Variants in DISC1 observed in about 807,000 individuals in gnomAD.
The protein encoded by DISC1 is DISC1 scaffold protein.
In DISC1, 57 loss-of-function variants were observed where a neutral mutation model predicts 84.5. The ratio of observed to expected loss-of-function variants is 0.67; its 90% CI spans 0.55 to 0.84. DISC1 has a LOEUF of 0.84. DISC1 is among the 40% of genes least tolerant of loss of function. The pLI is 0.00. For synonymous variants in DISC1, 411 were observed against 415.2 expected, an observed-to-expected ratio of 0.99 and a Z score of 0.12; for missense variants, 1,000 against 1,057.8, an observed-to-expected ratio of 0.95 and a Z score of 0.76.
intron 1 of DISC1, among the ~76,000 whole-genome samples, chr1:231,632,563 G>C (rs1173930102): frequency 1.3e-5 from 2 of 152,216 alleles, no homozygotes; most frequent in African/African-American, 4.8e-5. Flanking sequence ...AGTGGCAGTA[G>C]AGATCATGTA....
intron 6 of DISC1, among the ~76,000 whole-genome samples, chr1:231,772,284 C>G (rs1251514720): frequency 6.6e-6 from 1 of 152,164 alleles, no homozygotes; most frequent in Non-Finnish European, 1.5e-5. Flanking sequence ...CTCATACTCT[C>G]ATTTCTGAGA....
intron 9 of DISC1, among the ~76,000 whole-genome samples, chr1:231,888,079 A>C (rs1423150509): frequency 1.3e-5 from 2 of 152,216 alleles, no homozygotes; most frequent in Non-Finnish European, 2.9e-5. Context: ...CATATGTCTT[A>C]AGGACACATA....
intron 3 of DISC1, chr1:231,721,123 A>C: frequency 7.8e-7 from 1 of 1,283,808 alleles, no homozygotes; most frequent in Non-Finnish European, 1.0e-6. Context: ...TGAGTACAAT[A>C]ACATTAGCTC....
At chr1:231,705,917 G>C (rs2067038092) in intron 3 of DISC1, among the ~76,000 whole-genome samples, 1 of 151,984 alleles carries the variant, frequency 6.6e-6, no homozygotes, top group African/African-American at 2.4e-5. Flanking sequence ...TATCTCCCTT[G>C]GTTTTTGCTG....
At chr1:231,805,306 TA>T (rs2079615901) in intron 8 of DISC1, among the ~76,000 whole-genome samples, 1 of 152,240 alleles carries the variant, frequency 6.6e-6, no homozygotes, top group Non-Finnish European at 1.5e-5. Flanking sequence ...CACACTGCTG[TA>T]AAGAAATACC....
chr1:232,033,335 A>G (rs996522834), intron 12 of DISC1, among the ~76,000 whole-genome samples: 2 of 151,846 alleles, frequency 1.3e-5, no homozygotes, highest in East Asian at 3.9e-4. Context: ...CACCTCTCCT[A>G]CCTCCACTGC....
intron 6 of DISC1, among the ~76,000 whole-genome samples, chr1:231,772,050 G>A (rs994760281): frequency 6.6e-6 from 1 of 151,774 alleles, no homozygotes; most frequent in Non-Finnish European, 1.5e-5. Flanking sequence ...CTGGGCTCAA[G>A]CGATCCTCCC....
chr1:231,741,286 T>C (rs1435020218), intron 3 of DISC1, among the ~76,000 whole-genome samples: 1 of 152,224 alleles, frequency 6.6e-6, no homozygotes, highest in Non-Finnish European at 1.5e-5. Flanking sequence ...ATAGTGCCCT[T>C]GCAAGGCAGA....
chr1:231,890,578 G>T (rs1047694939), intron 9 of DISC1, among the ~76,000 whole-genome samples: 1 of 152,206 alleles, frequency 6.6e-6, no homozygotes, highest in Admixed American at 6.5e-5. Context: ...GCCCTGGTGA[G>T]GGAGGAATGG....
intron 9 of DISC1, among the ~76,000 whole-genome samples, chr1:231,888,987 C>T (rs1254870246): frequency 6.6e-6 from 1 of 152,168 alleles, no homozygotes; most frequent in African/African-American, 2.4e-5. Context: ...GGCTGAGCAT[C>T]CCTGCATCTC....
At chr1:231,800,801 C>T (rs72760418) in intron 8 of DISC1, among the ~76,000 whole-genome samples, 14,778 of 151,736 alleles carry the variant, frequency 0.097, 917 homozygotes, top group Non-Finnish European at 0.14. Context: ...GGAGAGAGAC[C>T]GTGATCCGAA....
At chr1:231,812,863 GGGATTA>G (rs1240719581) in intron 8 of DISC1, among the ~76,000 whole-genome samples, 6 of 152,196 alleles carry the variant, frequency 3.9e-5, no homozygotes, top group Non-Finnish European at 5.9e-5. Flanking sequence ...TAAGCCTCAT[GGGATTA>G]GATCTGAGGT....
chr1:231,916,076 G>A (rs1470116276), intron 9 of DISC1, among the ~76,000 whole-genome samples: 1 of 152,196 alleles, frequency 6.6e-6, no homozygotes, highest in South Asian at 2.1e-4. Context: ...AATATACACA[G>A]TGAAGGAAGT....
rs1454856536 is a variant in DISC1 at position 231,798,146 on chromosome 1, C to CACAA, written c.1690-1962_1690-1961insACAA. 4.0e-5 allele frequency among the ~76,000 whole-genome samples: 6 copies of CACAA among 149,564 alleles called. No homozygotes were observed. The East Asian group carries it at 7.8e-4, about 19-fold the overall frequency. On this transcript the variant is annotated intron_variant, in intron 7 of 12. Coordinates refer to ENST00000439617, the MANE Select transcript of DISC1 (RefSeq NM_018662.3). ...ACACACACACACACATACACACACA[C>CACAA]CCCTACCTGATATTCTTTAGACTCC...
At chr1:231,730,976 T>G (rs2125175782) in intron 3 of DISC1, among the ~76,000 whole-genome samples, 1 of 152,280 alleles carries the variant, frequency 6.6e-6, no homozygotes, top group Middle Eastern at 3.4e-3. Flanking sequence ...TTTACATATT[T>G]TTAAATGGCT....
At chr1:231,699,719 T>C (rs2066164004) in intron 2 of DISC1, among the ~76,000 whole-genome samples, 1 of 152,132 alleles carries the variant, frequency 6.6e-6, no homozygotes, top group Non-Finnish European at 1.5e-5. Flanking sequence ...AAAACATAAG[T>C]CAGATCATGT....
chr1:231,815,343 CG>C (rs1396944848), intron 8 of DISC1, among the ~76,000 whole-genome samples: 1 of 152,080 alleles, frequency 6.6e-6, no homozygotes, highest in Non-Finnish European at 1.5e-5. Flanking sequence ...CAGTCATCAT[CG>C]TCCCTCCTCT....
chr1:231,713,552 C>G lies in DISC1; in HGVS notation c.1117+11528C>G, dbSNP rs913702982. Among the ~76,000 whole-genome samples, 49 of 151,614 alleles carry G rather than the reference C, an allele frequency of 3.2e-4. 1 individual carries two copies. Among genetic ancestry groups the G allele is most frequent in the Non-Finnish European group, 5.9e-4 (40 of 67,938 alleles). Reference sequence around the variant, plus strand: ...TAGAGGGTTAGACAGAAGATTTGAGCAGGCAGAAGAAAGAATCAGTGGACT... The same window carrying G: ...TAGAGGGTTAGACAGAAGATTTGAGGAGGCAGAAGAAAGAATCAGTGGACT... On this transcript the variant is annotated intron_variant, in intron 3 of 12. Transcript: ENST00000439617.
intron 9 of DISC1, among the ~76,000 whole-genome samples, chr1:231,937,650 G>A (rs1277984112): frequency 1.3e-5 from 2 of 152,194 alleles, no homozygotes; most frequent in African/African-American, 4.8e-5. Flanking sequence ...GTGGAGGCGG[G>A]TGGATGGGGG....
Sources: allele counts gnomAD v4.1 joint callset (sites outside exome capture counted in the v4.1 genomes callset), GRCh38; gene constraint gnomAD v4.1.1; transcripts MANE v1.5; gene names NCBI Gene and HGNC (gene_info 2026-07-23, HGNC 2026-07-21).